Variants in ATP1A2 observed in about 807,000 individuals in gnomAD.
ATP1A2 encodes the protein ATPase Na+/K+ transporting subunit alpha 2, also known as sodium/potassium-transporting ATPase subunit alpha-2.
Under a neutral mutation model 113.1 loss-of-function variants are expected in ATP1A2, and 56 were observed. That is an observed-to-expected ratio of 0.49 (90% CI 0.40 to 0.62). The LOEUF is 0.62. Ranked by LOEUF, ATP1A2 falls within the 20% of genes least tolerant of loss-of-function variation. ATP1A2 has a pLI of 0.00. For synonymous variants in ATP1A2, 490 were observed against 526.8 expected, an observed-to-expected ratio of 0.93 and a Z score of 0.96; for missense variants, 712 against 1,357.8, an observed-to-expected ratio of 0.52 and a Z score of 7.47.
chr1:160,129,475 C>T, intron 11 of ATP1A2, 75 bp downstream of exon 11: 1 of 1,590,898 alleles, frequency 6.3e-7, no homozygotes, highest in Non-Finnish European at 8.5e-7. Flanking sequence ...CAAGGGGAAT[C>T]ATCACTAGCA....
chr1:160,139,441 G>A (rs1652062232), intron 20 of ATP1A2, among the ~76,000 whole-genome samples, 199 bp from the exon 21 acceptor site: 2 of 152,148 alleles, frequency 1.3e-5, no homozygotes, highest in Admixed American at 1.3e-4. Context: ...GACAACATTC[G>A]GACGTAAACT....
chr1:160,119,960 T>A (rs967090178), intron 1 of ATP1A2, among the ~76,000 whole-genome samples: 1 of 150,050 alleles, frequency 6.7e-6, no homozygotes, highest in African/African-American at 2.5e-5. Context: ...AAGCGGAGGG[T>A]GCAGTGAGCT....
At chr1:160,131,690 G>A (rs918783037) in intron 13 of ATP1A2, among the ~76,000 whole-genome samples, 6 of 152,070 alleles carry the variant, frequency 3.9e-5, no homozygotes, top group Non-Finnish European at 7.4e-5. Flanking sequence ...AATTAGCCAC[G>A]TGTAGTGGCA....
chr1:160,134,054 TAGACAC>T (rs1651845501), intron 13 of ATP1A2, among the ~76,000 whole-genome samples: 1 of 131,284 alleles, frequency 7.6e-6, no homozygotes, highest in Admixed American at 7.5e-5. Context: ...CACACACACA[TAGACAC>T]ACACAATCCC....
At chr1:160,126,925 G>A (rs144283380) in intron 7 of ATP1A2, among the ~76,000 whole-genome samples, 40 of 152,222 alleles carry the variant, frequency 2.6e-4, no homozygotes, top group African/African-American at 9.4e-4. Flanking sequence ...TTGAGCACCC[G>A]CTATGTTCCA....
chr1:160,129,490 T>C, intron 11 of ATP1A2, 90 bp downstream of exon 11: 1 of 1,578,286 alleles, frequency 6.3e-7, no homozygotes, highest in Non-Finnish European at 8.6e-7. Context: ...CTAGCAGGAG[T>C]GGGGGTGTCT....
intron 11 of ATP1A2, 94 bp downstream of exon 11, chr1:160,129,494 G>C (rs1175230732): frequency 1.9e-6 from 3 of 1,567,400 alleles, no homozygotes; most frequent in South Asian, 2.2e-5. Flanking sequence ...CAGGAGTGGG[G>C]GTGTCTGAGG....
chr1:160,129,204 T>A, intron 10 of ATP1A2, 62 bp from the exon 11 acceptor site: 1 of 1,613,114 alleles, frequency 6.2e-7, no homozygotes, highest in Non-Finnish European at 8.5e-7. Flanking sequence ...AGTGCCGCCT[T>A]CACCTGATCC....
At chr1:160,134,148 C>CCA (rs762466784) in intron 13 of ATP1A2, among the ~76,000 whole-genome samples, 37 of 142,904 alleles carry the variant, frequency 2.6e-4, no homozygotes, top group African/African-American at 6.5e-4. Context: ...CACACATACC[C>CCA]CACACACACA....
intron 11 of ATP1A2, 130 bp downstream of exon 11, chr1:160,129,530 C>T: frequency 2.9e-6 from 4 of 1,394,334 alleles, no homozygotes; most frequent in Non-Finnish European, 2.0e-6. Context: ...CCTGCTAAGT[C>T]CCCCAGGACA....
intron 22 of ATP1A2, chr1:160,140,766 C>A (rs2101999500): frequency 5.3e-6 from 1 of 187,992 alleles, no homozygotes; most frequent in East Asian, 1.4e-4. Context: ...ATACAAGTCT[C>A]CCCTAAAGGC....
At chr1:160,120,783 C>T (rs1442743390) in intron 1 of ATP1A2, 123 bp from the exon 2 acceptor site, 6 of 1,014,336 alleles carry the variant, frequency 5.9e-6, no homozygotes, top group South Asian at 1.4e-5. Flanking sequence ...CCCCTATCTC[C>T]CCCAAGGCAG....
rs765652276 is a variant in ATP1A2, at chr1:160,130,616, C to T, written c.1827+19C>T. 8.7e-6 allele frequency: 14 copies of T among 1,613,866 alleles called. No individual in the cohort carries two copies. The highest frequency in any genetic ancestry group is 1.1e-5 in the Non-Finnish European group (13 of 1,180,004). On this transcript the variant is annotated intron_variant, in intron 13 of 22. Coordinates refer to ENST00000361216, the MANE Select transcript of ATP1A2 (RefSeq NM_000702.4). The stretch of plus-strand genomic sequence containing the variant: ...CATCAAGGTACTGGCCTCCCATCCT[C>T]CCCTCCATTCTAGCCTCCCCCATGC...
intron 13 of ATP1A2, among the ~76,000 whole-genome samples, chr1:160,133,921 G>A (rs1342860011): frequency 6.6e-6 from 1 of 151,946 alleles, no homozygotes; most frequent in East Asian, 1.9e-4. Context: ...CTGCACTTAA[G>A]CAAACTATCT....
intron 20 of ATP1A2, among the ~76,000 whole-genome samples, chr1:160,138,426 T>G (rs1652024438): frequency 6.6e-6 from 1 of 152,248 alleles, no homozygotes; most frequent in African/African-American, 2.4e-5. Context: ...TATTCACAAA[T>G]GTAGCTTGAG....
At chr1:160,127,333 G>A (rs1042740415) in intron 7 of ATP1A2, among the ~76,000 whole-genome samples, 2 of 152,192 alleles carry the variant, frequency 1.3e-5, no homozygotes, top group African/African-American at 4.8e-5. Context: ...CCCCAGGCTC[G>A]AGTACAAGAG....
Position 160,135,069 on chromosome 1 carries a change from T to A in ATP1A2, c.1965-76T>A. On this transcript the variant is annotated intron_variant, in intron 14 of 22. Transcript: ENST00000361216. The surrounding 1 kb of genome is among the most constrained non-coding windows in gnomAD (Gnocchi z 6.3). The stretch of plus-strand genomic sequence containing the variant: ...GCAGGGAGCCTGCAGGCTGCGGTGG[T>A]GAAGAGAGGCAGGGGGCAGGAGGGG... 2 of 1,597,650 alleles carry A rather than the reference T, an allele frequency of 1.3e-6. No individual in the cohort carries two copies. The highest frequency in any genetic ancestry group is 8.6e-7 in the Non-Finnish European group (1 of 1,169,284).
At chr1:160,117,491 C>T (rs1009080126) in intron 1 of ATP1A2, among the ~76,000 whole-genome samples, 1 of 152,132 alleles carries the variant, frequency 6.6e-6, no homozygotes, top group African/African-American at 2.4e-5. Context: ...AATCACCATC[C>T]TAAGTTGCTG....
chr1:160,127,503 G>C, intron 7 of ATP1A2, 49 bp from the exon 8 acceptor site: 1 of 1,612,868 alleles, frequency 6.2e-7, no homozygotes, highest in Non-Finnish European at 8.5e-7. Flanking sequence ...TGGGACTGCA[G>C]TCCCTGGGAG....
Sources: gnomAD v4.1 joint callset for allele counts (sites outside exome capture counted in the v4.1 genomes callset) on GRCh38, gnomAD v4.1.1 for gene constraint, Gnocchi (gnomAD v3.1) non-coding constraint, MANE v1.5 for transcripts, NCBI Gene and HGNC (gene_info 2026-07-23, HGNC 2026-07-21) for gene names.